Variants in METAP1D observed in about 807,000 individuals in gnomAD.
The protein encoded by METAP1D is methionyl aminopeptidase type 1D, mitochondrial.
Under a neutral mutation model 40.5 loss-of-function variants are expected in METAP1D, and 31 were observed. The ratio of observed to expected loss-of-function variants is 0.77; its 90% confidence interval spans 0.58 to 1.03. The LOEUF (loss-of-function observed/expected upper bound fraction) is 1.03. Among genes scored for constraint, METAP1D ranks in the 50% least tolerant of loss-of-function variants. The pLI is 0.00. For synonymous variants in METAP1D, 151 were observed against 146.4 expected, an observed-to-expected ratio of 1.03 and a Z score of -0.22; for missense variants, 411 against 420.7, an observed-to-expected ratio of 0.98 and a Z score of 0.20.
chr2:172,072,051 G>A (rs1361573057), intron 6 of METAP1D, among the ~76,000 whole-genome samples: 2 of 152,224 alleles, frequency 1.3e-5, no homozygotes, highest in East Asian at 3.9e-4. Context: ...TTTTATTGAA[G>A]ACTTTGAACA....
chr2:172,069,100 A>T (rs542685167), intron 5 of METAP1D, among the ~76,000 whole-genome samples: 1 of 151,918 alleles, frequency 6.6e-6, no homozygotes, highest in African/African-American at 2.4e-5. Flanking sequence ...TTAATTTTGT[A>T]GAGATGGGGT....
chr2:172,003,313 A>G (rs1050434642), intron 1 of METAP1D, among the ~76,000 whole-genome samples: 1 of 151,870 alleles, frequency 6.6e-6, no homozygotes, highest in African/African-American at 2.4e-5. Context: ...GGCCCCAGGA[A>G]CTCTCTCCTA....
chr2:172,037,265 G>GA (rs34817409), intron 1 of METAP1D, among the ~76,000 whole-genome samples: 73,836 of 148,996 alleles, frequency 0.5, 19,533 homozygotes, highest in East Asian at 0.84. Context: ...TCCATCTCAA[G>GA]AAAAAAAAAA....
At position 172,000,246 on chromosome 2, in the gene METAP1D, C is replaced by T. The variant is rs575111275; in HGVS notation, c.40+237C>T. ...CACGTCACCACGTGGCATCTTTTCG[C>T]AATTACTCCTTGAGATTTGCGGGCC... On this transcript the variant is annotated intron_variant, in intron 1 of 9. Transcript: ENST00000315796. Among the ~76,000 whole-genome samples the T allele has an allele frequency of 1.8e-4, 28 of 152,362 alleles. No homozygotes were observed. The East Asian group carries it at 5.2e-3, about 28-fold the overall frequency.
intron 1 of METAP1D, among the ~76,000 whole-genome samples, chr2:172,055,350 A>T (rs1028640586): frequency 6.6e-6 from 1 of 152,236 alleles, no homozygotes; most frequent in Non-Finnish European, 1.5e-5. Flanking sequence ...AATGAATTAT[A>T]TAGGAAATTC....
At chr2:172,061,721 A>G in intron 2 of METAP1D, 66 bp downstream of exon 2, 3 of 1,354,240 alleles carry the variant, frequency 2.2e-6, no homozygotes, top group Non-Finnish European at 2.9e-6. Flanking sequence ...AGAAGTGATC[A>G]AATATTTTTG....
intron 1 of METAP1D, among the ~76,000 whole-genome samples, chr2:172,031,518 ATAATAAGATGGAGGAAGT>A (rs1689241858): frequency 1.3e-5 from 2 of 152,232 alleles, no homozygotes; most frequent in Non-Finnish European, 2.9e-5. Context: ...TGGATATTAT[ATAATAAGATGGAGGAAGT>A]CATTCACATA....
intron 5 of METAP1D, among the ~76,000 whole-genome samples, chr2:172,067,652 C>T (rs988913936): frequency 6.6e-6 from 1 of 152,134 alleles, no homozygotes; most frequent in African/African-American, 2.4e-5. Flanking sequence ...TGAAATGTTA[C>T]CATTTTAATG....
chr2:172,016,275 C>CAAAAAAAAAA (rs1172458646), intron 1 of METAP1D, among the ~76,000 whole-genome samples: 2 of 9,724 alleles, frequency 2.1e-4, no homozygotes, highest in Non-Finnish European at 3.5e-4. Context: ...GACCCTGTCT[C>CAAAAAAAAAA]AAAAAAAAAA....
rs181241831 is a variant in METAP1D, at chr2:172,013,221, T to C, written c.40+13212T>C. On this transcript the variant is annotated intron_variant, in intron 1 of 9. Transcript: ENST00000315796. ...CGGCTGTCGAGCAGCAGGACTTGGCTTCTGTCCCCGGCTTCGTTGGCCCCA... is the reference window on the plus strand; with the variant it reads ...CGGCTGTCGAGCAGCAGGACTTGGCCTCTGTCCCCGGCTTCGTTGGCCCCA... 1.4e-3 allele frequency among the ~76,000 whole-genome samples: 209 copies of C among 152,314 alleles called. 1 individual carries two copies. Among genetic ancestry groups the C allele is most frequent in the Middle Eastern group, 3.4e-3 (1 of 294 alleles).
chr2:172,063,622 C>A, intron 2 of METAP1D, 89 bp from the exon 3 acceptor site: 1 of 998,452 alleles, frequency 1.0e-6, no homozygotes, highest in Non-Finnish European at 1.5e-6. Context: ...AAGGGCAGAG[C>A]TCCATGAAGC....
At chr2:172,058,981 T>C (rs1047023818) in intron 1 of METAP1D, among the ~76,000 whole-genome samples, 1 of 152,186 alleles carries the variant, frequency 6.6e-6, no homozygotes, top group African/African-American at 2.4e-5. Context: ...GTTCTCAAGC[T>C]TCGTGTGCGT....
At chr2:172,033,289 C>T (rs1689283468) in intron 1 of METAP1D, among the ~76,000 whole-genome samples, 1 of 151,600 alleles carries the variant, frequency 6.6e-6, no homozygotes, top group Non-Finnish European at 1.5e-5. Context: ...TTAAAACTGG[C>T]ATAAGAGACA....
chr2:172,015,837 T>C (rs573615089), intron 1 of METAP1D, among the ~76,000 whole-genome samples: 2 of 151,946 alleles, frequency 1.3e-5, no homozygotes, highest in South Asian at 2.1e-4. Flanking sequence ...GGCATGTGCA[T>C]GTAGCTACTC....
rs1690407451 is a variant in METAP1D, at chr2:172,070,985, G to A, written c.619G>A (p.Val207Met). The change falls in exon 6 of 10, where the codon GTG (valine) becomes ATG (methionine). Residue 207 changes from valine (V) to methionine (M), a missense_variant. By Grantham distance (21) the Val-to-Met change is conservative. Transcript: ENST00000315796. ...TGTGGACGAATGTGGTAAAAAGTTA[G>A]TGGAGGTTGCCAGGAGGTGTAGAGA... ...GNVDECGKKL[V>M]EVARRCRDEA... 6.2e-7 allele frequency: 1 copy of A among 1,613,480 alleles called. No homozygotes were observed. The highest frequency in any genetic ancestry group is 8.5e-7 in the Non-Finnish European group (1 of 1,179,526).
intron 1 of METAP1D, among the ~76,000 whole-genome samples, chr2:172,056,521 G>T (rs1448472758): frequency 6.6e-6 from 1 of 152,184 alleles, no homozygotes; most frequent in Non-Finnish European, 1.5e-5. Context: ...AAGGATGTAA[G>T]CTCCCTGGGA....
chr2:172,029,660 G>A (rs1305857973), intron 1 of METAP1D, among the ~76,000 whole-genome samples: 1 of 152,082 alleles, frequency 6.6e-6, no homozygotes. Context: ...GCAGGTGAAT[G>A]AAAAAACTAT....
At chr2:172,010,452 T>TTC (rs1688688204) in intron 1 of METAP1D, among the ~76,000 whole-genome samples, 1 of 150,608 alleles carries the variant, frequency 6.6e-6, no homozygotes, top group Admixed American at 6.6e-5. Flanking sequence ...AGCCCTTTTT[T>TTC]TTTTTTTTTA....
At chr2:172,017,437 A>G (rs1054391604) in intron 1 of METAP1D, among the ~76,000 whole-genome samples, 2 of 151,564 alleles carry the variant, frequency 1.3e-5, no homozygotes, top group Non-Finnish European at 2.9e-5. Flanking sequence ...CCTTTCATAC[A>G]TACATATATA....
Sources: allele counts gnomAD v4.1 joint callset (sites outside exome capture counted in the v4.1 genomes callset), GRCh38; gene constraint gnomAD v4.1.1; transcripts MANE v1.5; gene names NCBI Gene and HGNC (gene_info 2026-07-23, HGNC 2026-07-21).